Variants in SLC22A14 observed in about 807,000 individuals in gnomAD.
The protein encoded by SLC22A14 is organic cation transporter-like 4.
Under a neutral mutation model 53.9 loss-of-function variants are expected in SLC22A14, and 50 were observed. The observed-to-expected ratio is 0.93, with a 90% CI of 0.74 to 1.17. The LOEUF (loss-of-function observed/expected upper bound fraction) is 1.17. SLC22A14 is among the 50% of genes most tolerant of loss of function. The pLI is 0.00. For missense variants in SLC22A14, 671 were observed against 734.7 expected, an observed-to-expected ratio of 0.91 and a Z score of 1.00; for synonymous variants, 312 against 303.0, an observed-to-expected ratio of 1.03 and a Z score of -0.31.
intron 1 of SLC22A14, among the ~76,000 whole-genome samples, chr3:38,282,931 C>T (rs1575396441): frequency 6.6e-6 from 1 of 152,186 alleles, no homozygotes; most frequent in Non-Finnish European, 1.5e-5. Flanking sequence ...TGGCTTGAAA[C>T]AGCAGAGACT....
intron 1 of SLC22A14, among the ~76,000 whole-genome samples, chr3:38,302,301 CAT>C (rs1445276330): frequency 3.9e-5 from 5 of 129,396 alleles, no homozygotes; most frequent in African/African-American, 3.0e-5. Flanking sequence ...TATATATACA[CAT>C]ATATATTTAT....
chr3:38,300,754 A>T (rs1298042963), intron 1 of SLC22A14, among the ~76,000 whole-genome samples: 1 of 152,226 alleles, frequency 6.6e-6, no homozygotes, highest in Non-Finnish European at 1.5e-5. Context: ...GCCCAATGTC[A>T]GACCCCAAGA....
chr3:38,290,227 A>G (rs138288860), intron 1 of SLC22A14, among the ~76,000 whole-genome samples: 9,828 of 152,188 alleles, frequency 0.065, 368 homozygotes, highest in East Asian at 0.16. Flanking sequence ...GAGGTTGGCC[A>G]ATGACTGCTC....
chr3:38,304,048 G>A (rs9836541), intron 1 of SLC22A14, among the ~76,000 whole-genome samples: 34,765 of 151,620 alleles, frequency 0.23, 4,488 homozygotes, highest in African/African-American at 0.35. Context: ...AAAATTAGCC[G>A]GGCGTGGTGG....
chr3:38,314,800 G>A (rs998187389), intron 8 of SLC22A14, among the ~76,000 whole-genome samples: 3 of 152,156 alleles, frequency 2.0e-5, no homozygotes, highest in African/African-American at 4.8e-5. Context: ...TAATTGCCTG[G>A]TGGTTTTTAA....
At chr3:38,317,141 A>AG (rs974625328) in intron 10 of SLC22A14, among the ~76,000 whole-genome samples, 4 of 152,298 alleles carry the variant, frequency 2.6e-5, no homozygotes, top group African/African-American at 9.6e-5. Flanking sequence ...CCTGGACCTG[A>AG]GGGGACCTGA....
chr3:38,294,804 T>G (rs1451200338), intron 1 of SLC22A14, among the ~76,000 whole-genome samples: 1 of 152,038 alleles, frequency 6.6e-6, no homozygotes, highest in Non-Finnish European at 1.5e-5. Context: ...TGCCCAACAT[T>G]GCCTTTGTGC....
At chr3:38,289,615 A>G (rs1328033411) in intron 1 of SLC22A14, among the ~76,000 whole-genome samples, 1 of 152,210 alleles carries the variant, frequency 6.6e-6, no homozygotes, top group Non-Finnish European at 1.5e-5. Context: ...AAACCCAGCT[A>G]CTAGTGTTCA....
intron 1 of SLC22A14, among the ~76,000 whole-genome samples, chr3:38,295,506 CAG>C (rs1704011802): frequency 6.6e-6 from 1 of 152,060 alleles, no homozygotes; most frequent in East Asian, 1.9e-4. Flanking sequence ...TCAGTGGTCT[CAG>C]TGTTTTTTTC....
chr3:38,281,667 A>T (rs1267548980), upstream of SLC22A14, among the ~76,000 whole-genome samples: 8 of 152,256 alleles, frequency 5.3e-5, no homozygotes, highest in Non-Finnish European at 4.4e-5. Flanking sequence ...AGGCCCCATC[A>T]CGCTACCACA....
intron 10 of SLC22A14, among the ~76,000 whole-genome samples, 180 bp downstream of exon 10, chr3:38,316,704 C>T (rs1007854865): frequency 6.6e-5 from 10 of 152,358 alleles, no homozygotes; most frequent in South Asian, 4.1e-4. Flanking sequence ...CCTGCTCCCA[C>T]CCAGCCTCTG....
rs752261682 is a variant in SLC22A14 at position 38,307,311 on chromosome 3, G to T, written c.574G>T (p.Ala192Ser). The T allele has an allele frequency of 1.2e-6, 2 of 1,614,056 alleles. No individual in the cohort carries two copies. Among genetic ancestry groups the T allele is most frequent in the Non-Finnish European group, 1.7e-6 (2 of 1,179,990 alleles). The change falls in exon 3 of 11, where the codon GCA becomes TCA. Residue 192 changes from alanine to serine, a missense_variant. By Grantham distance (99) the Ala-to-Ser change is moderately conservative (BLOSUM62 1). Coordinates refer to ENST00000448498, the MANE Select transcript of SLC22A14 (RefSeq NM_001320033.2). This position sits in a 1 kb window ranked among gnomAD's most constrained non-coding sequence, Gnocchi z 4.4. ...GGACACTGCACAGATCATGTTCATG[G>T]CAGGGCTCCCGATAGGCTCTCTCAT... is the stretch of plus-strand genomic sequence containing the variant. ...KKDTAQIMFM[A>S]GLPIGSLIFR...
chr3:38,299,107 A>G (rs570675560), intron 1 of SLC22A14, among the ~76,000 whole-genome samples: 2 of 152,248 alleles, frequency 1.3e-5, no homozygotes, highest in East Asian at 1.9e-4. Context: ...ATCCTCTTCA[A>G]TGCAGTTATG....
chr3:38,298,692 T>G (rs578167324), intron 1 of SLC22A14, among the ~76,000 whole-genome samples: 1 of 152,106 alleles, frequency 6.6e-6, no homozygotes, highest in East Asian at 1.9e-4. Flanking sequence ...GTAGCTGGGA[T>G]TACAGGCAGG....
chr3:38,298,433 T>TCTATCTAG (rs1443154813), intron 1 of SLC22A14, among the ~76,000 whole-genome samples: 8 of 146,882 alleles, frequency 5.4e-5, no homozygotes, highest in African/African-American at 1.7e-4. Context: ...CATCTATCTA[T>TCTATCTAG]CTATCTATCT....
chr3:38,313,184 C>A, intron 6 of SLC22A14, 65 bp downstream of exon 6: 2 of 1,588,374 alleles, frequency 1.3e-6, no homozygotes, highest in Non-Finnish European at 1.7e-6. Context: ...CTTCCCTCCT[C>A]ATCCTTTCAG....
intron 1 of SLC22A14, among the ~76,000 whole-genome samples, chr3:38,303,487 C>T (rs184520979): frequency 8.5e-4 from 126 of 149,112 alleles, no homozygotes; most frequent in African/African-American, 3.0e-3. Flanking sequence ...TCTTCTTTAA[C>T]TTGTATTCAC....
Position 38,307,983 on chromosome 3 carries a change from C to G in SLC22A14, c.775+263C>G, listed in dbSNP as rs1280119459. The G allele has an allele frequency of 5.7e-6, 3 of 521,906 alleles. No homozygotes were observed. The East Asian group carries it at 1.0e-4, about 18-fold the overall frequency. 32.3% of individuals were successfully genotyped at this position (521,906 alleles called of 1,614,324 possible). On this transcript the variant is annotated intron_variant, in intron 4 of 10. Coordinates refer to ENST00000448498, the MANE Select transcript of SLC22A14 (RefSeq NM_001320033.2). This position sits in a 1 kb window ranked among gnomAD's most constrained non-coding sequence, Gnocchi z 4.4. ...TGGCTGCCTGGAGATGTCAGAGAAT[C>G]AGTGCCCTGACTGCCCTTCCACCTT...
chr3:38,286,730 T>TG (rs1703801924), intron 1 of SLC22A14, among the ~76,000 whole-genome samples: 4 of 148,732 alleles, frequency 2.7e-5, no homozygotes, highest in Non-Finnish European at 4.4e-5. Context: ...TGTGGGTTTT[T>TG]TTTTTGTTTG....
Sources: allele counts gnomAD v4.1 joint callset (sites outside exome capture counted in the v4.1 genomes callset), GRCh38; gene constraint gnomAD v4.1.1; non-coding constraint Gnocchi (gnomAD v3.1); transcripts MANE v1.5; gene names NCBI Gene and HGNC (gene_info 2026-07-23, HGNC 2026-07-21).